Variants in EIPR1 observed in about 807,000 individuals in gnomAD.
The protein encoded by EIPR1 is EARP and GARP complex-interacting protein 1.
In EIPR1, 25 loss-of-function variants were observed where a neutral mutation model predicts 48.1. The ratio of observed to expected loss-of-function variants is 0.52; its 90% CI spans 0.38 to 0.73. The LOEUF is 0.73. EIPR1 is among the 30% of genes least tolerant of loss of function. EIPR1 has a pLI of 0.00. For missense variants in EIPR1, 415 were observed against 506.2 expected (o/e 0.82, Z 1.73); for synonymous variants, 204 against 201.9 (o/e 1.01, Z -0.09).
intron 3 of EIPR1, chr2:3,261,668 T>C (rs190443633): frequency 6.6e-6 from 1 of 152,296 alleles, no homozygotes; most frequent in East Asian, 1.9e-4. Flanking sequence ...GAGTGGGGCA[T>C]GGGGATGCCA....
intron 3 of EIPR1, among the ~76,000 whole-genome samples, chr2:3,331,082 T>C (rs536642758): frequency 6.0e-4 from 80 of 132,626 alleles, no homozygotes; most frequent in African/African-American, 1.7e-3. Flanking sequence ...CACACACTCA[T>C]GAGATGGTGT....
At chr2:3,191,694 C>T (rs1664611666) in intron 8 of EIPR1, among the ~76,000 whole-genome samples, 1 of 152,210 alleles carries the variant, frequency 6.6e-6, no homozygotes. Context: ...GAAGCGGCTG[C>T]CACTTCTAAA....
At chr2:3,360,858 T>C (rs1670835506) in intron 1 of EIPR1, among the ~76,000 whole-genome samples, 2 of 150,128 alleles carry the variant, frequency 1.3e-5, no homozygotes, top group South Asian at 4.2e-4. Context: ...AAAGGACCGC[T>C]ACAAAGCGCT....
intron 7 of EIPR1, among the ~76,000 whole-genome samples, chr2:3,193,160 T>G (rs1664669331): frequency 6.6e-6 from 1 of 152,048 alleles, no homozygotes; most frequent in African/African-American, 2.4e-5. Context: ...CGCTAGGAGG[T>G]GCACCCAGCA....
intron 1 of EIPR1, among the ~76,000 whole-genome samples, chr2:3,354,928 A>G (rs1044392607): frequency 3.5e-4 from 53 of 152,238 alleles, no homozygotes; most frequent in Admixed American, 3.1e-3. Flanking sequence ...TAGTAAAACT[A>G]TTATTTCAAC....
At chr2:3,290,519 A>G (rs1668334303) in intron 3 of EIPR1, among the ~76,000 whole-genome samples, 1 of 152,226 alleles carries the variant, frequency 6.6e-6, no homozygotes, top group Admixed American at 6.5e-5. Flanking sequence ...AATCAGCTGT[A>G]GCTTGTACTT....
intron 3 of EIPR1, among the ~76,000 whole-genome samples, chr2:3,279,312 T>C (rs892641380): frequency 6.6e-6 from 1 of 152,186 alleles, no homozygotes; most frequent in African/African-American, 2.4e-5. Flanking sequence ...CACTCTCTTA[T>C]AAAAATATTC....
intron 2 of EIPR1, among the ~76,000 whole-genome samples, chr2:3,348,046 A>G (rs1487512929): frequency 6.6e-6 from 1 of 152,214 alleles, no homozygotes; most frequent in Admixed American, 6.5e-5. Flanking sequence ...TTCTGAGCAC[A>G]GGTGAGAACA....
chr2:3,273,290 G>C lies in EIPR1; in HGVS notation c.260-15835C>G, dbSNP rs199799111. Among the ~76,000 whole-genome samples, 4 of 152,286 alleles carry C rather than the reference G, an allele frequency of 2.6e-5. No homozygotes were observed. In the East Asian group the frequency reaches 5.8e-4, roughly 22 times the overall value. On this transcript the variant is annotated intron_variant, in intron 3 of 8. Coordinates refer to ENST00000382125, the MANE Select transcript of EIPR1 (RefSeq NM_003310.5). ...AATACGACTGGGAGCAAATAGTAAA[G>C]CTGTTGTTGAAAACAAAATGATAAA...
chr2:3,312,080 AAC>A lies in EIPR1; in HGVS notation c.259+25935_259+25936del, dbSNP rs765867272. Among the ~76,000 whole-genome samples the A allele has an allele frequency of 1.7e-4, 26 of 152,124 alleles. No individual in the cohort carries two copies. The highest frequency in any genetic ancestry group is 3.8e-4 in the Non-Finnish European group (26 of 68,006). ...CAAGATAACTGTGTGTTGGAGCCAC[AAC>A]ACACAGTTATCCCCTCTGTCTGATA... On this transcript the variant is annotated intron_variant, in intron 3 of 8. Transcript: ENST00000382125. The surrounding 1 kb of genome is among the most constrained non-coding windows in gnomAD (Gnocchi z 5.5).
chr2:3,374,417 G>C (rs902748649), intron 1 of EIPR1, among the ~76,000 whole-genome samples: 42 of 151,766 alleles, frequency 2.8e-4, no homozygotes, highest in Non-Finnish European at 5.5e-4. Flanking sequence ...TACAGCAAAA[G>C]AAACTACCAA....
At position 3,377,496 on chromosome 2, in the gene EIPR1, C is replaced by T. The variant is rs1477293704; in HGVS notation, c.42+152G>A. The stretch of plus-strand genomic sequence containing the variant: ...AGTACAACCGTTTAACCTCCTAAAG[C>T]CTCAGTTTACTTCTCTGCAAAATGG... On this transcript the variant is annotated intron_variant, in intron 1 of 8. Coordinates refer to ENST00000382125, the MANE Select transcript of EIPR1 (RefSeq NM_003310.5). The T allele has an allele frequency of 3.0e-6, 3 of 997,210 alleles. No homozygotes were observed. In the East Asian group the frequency reaches 8.3e-5, roughly 28 times the overall value. 61.8% of individuals were successfully genotyped at this position (997,210 alleles called of 1,614,324 possible). A position where few individuals can be genotyped will look rare whatever the true frequency, so the allele number is the denominator to read the frequency against.
At chr2:3,259,651 C>T (rs1667266817) in intron 3 of EIPR1, among the ~76,000 whole-genome samples, 1 of 152,202 alleles carries the variant, frequency 6.6e-6, no homozygotes, top group Non-Finnish European at 1.5e-5. Flanking sequence ...AACTTTTACT[C>T]CATTCTGAAA....
intron 4 of EIPR1, among the ~76,000 whole-genome samples, chr2:3,226,381 G>A (rs1309177533): frequency 6.6e-6 from 1 of 152,168 alleles, no homozygotes; most frequent in African/African-American, 2.4e-5. Context: ...GTGACGTTGA[G>A]CACGTTTTCA....
chr2:3,295,279 CCA>C, intron 3 of EIPR1, among the ~76,000 whole-genome samples: 2 of 136,370 alleles, frequency 1.5e-5, no homozygotes, highest in African/African-American at 5.6e-5. Flanking sequence ...CACACACCCT[CCA>C]TCCAGCCCGT....
chr2:3,329,488 T>C (rs1229769858), intron 3 of EIPR1, among the ~76,000 whole-genome samples: 1 of 149,912 alleles, frequency 6.7e-6, no homozygotes, highest in Non-Finnish European at 1.5e-5. Context: ...CAGGCTCCCC[T>C]GAATCAGAGC....
rs1668197502 is a variant in EIPR1 at position 3,286,750 on chromosome 2, C to T, written c.260-29295G>A. On this transcript the variant is annotated intron_variant, in intron 3 of 8. Transcript: ENST00000382125. The surrounding 1 kb of genome is among the most constrained non-coding windows in gnomAD (Gnocchi z 4.2). ...CGTGCTGAGTCCATCCTCCCAGCAG[C>T]TCCAAGAGGCGGAGCTATCAATTTC... Among the ~76,000 whole-genome samples the T allele has an allele frequency of 1.3e-5, 2 of 152,242 alleles. No individual in the cohort carries two copies. The highest frequency in any genetic ancestry group is 4.1e-4 in the South Asian group (2 of 4,836).
intron 3 of EIPR1, among the ~76,000 whole-genome samples, chr2:3,289,429 G>C (rs1668300772): frequency 6.6e-6 from 1 of 152,192 alleles, no homozygotes; most frequent in African/African-American, 2.4e-5. Flanking sequence ...CTCTGTGGGA[G>C]AAGGGCAATG....
chr2:3,280,345 C>G (rs560130597), intron 3 of EIPR1, among the ~76,000 whole-genome samples: 1 of 152,326 alleles, frequency 6.6e-6, no homozygotes, highest in African/African-American at 2.4e-5. Flanking sequence ...CCCGGTCTCC[C>G]AACTCCTCGC....
Sources: gnomAD v4.1 joint callset for allele counts (sites outside exome capture counted in the v4.1 genomes callset) on GRCh38, gnomAD v4.1.1 for gene constraint, Gnocchi (gnomAD v3.1) non-coding constraint, MANE v1.5 for transcripts, NCBI Gene and HGNC (gene_info 2026-07-23, HGNC 2026-07-21) for gene names.